The following CUX2 variants were observed in gnomAD, a reference collection of about 807,000 sequenced individuals.
CUX2 encodes cut like homeobox 2.
In CUX2, 40 loss-of-function variants were observed where a neutral mutation model predicts 144.8. That is an observed-to-expected ratio of 0.28 (90% confidence interval 0.21 to 0.36). CUX2 has a LOEUF of 0.36. Ranked by LOEUF, CUX2 falls within the 10% of genes least tolerant of loss-of-function variation. The pLI, the probability that CUX2 is intolerant of heterozygous loss-of-function variation, is 1.00. For missense variants in CUX2, 1,615 were observed against 1,994.0 expected (o/e 0.81, Z 3.62); for synonymous variants, 827 against 875.6 (o/e 0.94, Z 0.98).
At chr12:111,267,926 A>G (rs1464324682) in intron 4 of CUX2, among the ~76,000 whole-genome samples, 1 of 152,002 alleles carries the variant, frequency 6.6e-6, no homozygotes, top group Non-Finnish European at 1.5e-5. Context: ...GGCTCAAACA[A>G]TCTTCCTGCC....
chr12:111,209,680 G>T (rs1356601988), intron 1 of CUX2, among the ~76,000 whole-genome samples: 1 of 152,054 alleles, frequency 6.6e-6, no homozygotes, highest in Non-Finnish European at 1.5e-5. Context: ...AACCCTCTCA[G>T]AGACAGGGGC....
chr12:111,338,718 G>A (rs1592985754), intron 20 of CUX2, among the ~76,000 whole-genome samples: 1 of 152,200 alleles, frequency 6.6e-6, no homozygotes, highest in Non-Finnish European at 1.5e-5. Flanking sequence ...TAAGACAGGA[G>A]GATCACTTGG....
At chr12:111,252,887 C>A (rs988916522) in intron 3 of CUX2, among the ~76,000 whole-genome samples, 17 of 151,434 alleles carry the variant, frequency 1.1e-4, no homozygotes, top group Non-Finnish European at 1.9e-4. Context: ...CATAGGGAGA[C>A]CCCCATCTCT....
chr12:111,228,644 G>A (rs1263508482), intron 3 of CUX2, among the ~76,000 whole-genome samples: 2 of 152,008 alleles, frequency 1.3e-5, no homozygotes, highest in African/African-American at 2.4e-5. Flanking sequence ...GGCTGGTCTC[G>A]AACTCCTGAC....
chr12:111,342,157 G>GA, intron 21 of CUX2, 104 bp downstream of exon 21: 1 of 1,345,088 alleles, frequency 7.4e-7, no homozygotes, highest in African/African-American at 1.5e-5. Context: ...CTGGGAGATG[G>GA]AAGACCCCAT....
chr12:111,117,445 G>C (rs1316787290), intron 1 of CUX2, among the ~76,000 whole-genome samples: 2 of 152,192 alleles, frequency 1.3e-5, no homozygotes, highest in Non-Finnish European at 2.9e-5. Flanking sequence ...CACTCTGGAA[G>C]TGACACATCA....
chr12:111,119,077 A>G (rs571691055), intron 1 of CUX2, among the ~76,000 whole-genome samples: 1 of 152,362 alleles, frequency 6.6e-6, no homozygotes, highest in Admixed American at 6.5e-5. Context: ...TTTCCCAACA[A>G]TAATCTGGAA....
intron 1 of CUX2, among the ~76,000 whole-genome samples, chr12:111,110,200 T>C (rs895746329): frequency 1.3e-5 from 2 of 152,168 alleles, no homozygotes; most frequent in Non-Finnish European, 2.9e-5. Context: ...GGAAGGTCTT[T>C]GAGGTCAGAG....
chr12:111,150,773 T>G (rs1876998592), intron 1 of CUX2, among the ~76,000 whole-genome samples: 1 of 150,838 alleles, frequency 6.6e-6, no homozygotes, highest in African/African-American at 2.4e-5. Context: ...AGGGGTGGGG[T>G]GTGTGGAGGC....
At chr12:111,223,097 C>T (rs762283411) in intron 3 of CUX2, among the ~76,000 whole-genome samples, 3 of 152,098 alleles carry the variant, frequency 2.0e-5, no homozygotes, top group African/African-American at 4.8e-5. Flanking sequence ...CTATTGGCAG[C>T]GTGCAGGTCC....
intron 18 of CUX2, among the ~76,000 whole-genome samples, chr12:111,325,219 G>A (rs1467286420): frequency 2.6e-5 from 4 of 151,844 alleles, no homozygotes; most frequent in African/African-American, 4.8e-5. Flanking sequence ...GTGTGAATCC[G>A]GGAGGCGGAG....
intron 19 of CUX2, among the ~76,000 whole-genome samples, chr12:111,335,958 C>G (rs1228502134): frequency 1.3e-5 from 2 of 151,298 alleles, no homozygotes; most frequent in African/African-American, 2.4e-5. Flanking sequence ...CGGTGAGATC[C>G]CAGGGCACTG....
In CUX2 at chr12:111,304,350, A is replaced by C. The variant is rs750534066; in HGVS notation, c.858+36A>C. ...GGTTGGGGAAGTGAGCAGGGAGGGC[A>C]GAGGGAAAGATCGGGAATGGCTGAG... On this transcript the variant is annotated intron_variant, in intron 10 of 21. Transcript: ENST00000261726. The surrounding 1 kb of genome is among the most constrained non-coding windows in gnomAD (Gnocchi z 4.7). 2.6e-6 allele frequency: 4 copies of C among 1,554,956 alleles called. No homozygotes were observed. Among genetic ancestry groups the C allele is most frequent in the Admixed American group, 1.7e-5 (1 of 57,616 alleles).
At chr12:111,188,209 C>T (rs562550917) in intron 1 of CUX2, among the ~76,000 whole-genome samples, 13 of 152,314 alleles carry the variant, frequency 8.5e-5, no homozygotes, top group Non-Finnish European at 1.3e-4. Flanking sequence ...GATTTTTCTA[C>T]GTCAATAGAC....
chr12:111,093,329 GC>G, intron 1 of CUX2, among the ~76,000 whole-genome samples: 1 of 152,242 alleles, frequency 6.6e-6, no homozygotes, highest in South Asian at 2.1e-4. Flanking sequence ...ACTCTGGCTC[GC>G]CCAGGAGGGT....
intron 3 of CUX2, among the ~76,000 whole-genome samples, chr12:111,242,916 A>C (rs1883100737): frequency 6.6e-6 from 1 of 152,044 alleles, no homozygotes; most frequent in Non-Finnish European, 1.5e-5. Flanking sequence ...ATGTGTTCTC[A>C]TTGTTCAACT....
chr12:111,224,461 C>T (rs1236615922), intron 3 of CUX2, among the ~76,000 whole-genome samples: 4 of 150,588 alleles, frequency 2.7e-5, no homozygotes, highest in Non-Finnish European at 4.4e-5. Flanking sequence ...CCTTCTGCTC[C>T]GTGTCTGCCT....
chr12:111,128,937 C>T (rs1232849536), intron 1 of CUX2, among the ~76,000 whole-genome samples: 2 of 152,232 alleles, frequency 1.3e-5, no homozygotes, highest in South Asian at 2.1e-4. Context: ...CCACTCCAAA[C>T]TGGCAGCTTT....
At chr12:111,044,593 C>A (rs552016639) in intron 1 of CUX2, among the ~76,000 whole-genome samples, 68 of 152,320 alleles carry the variant, frequency 4.5e-4, no homozygotes, top group Admixed American at 8.5e-4. Flanking sequence ...AAATCAGCTC[C>A]CCTCTCCTCA....
Sources: allele counts gnomAD v4.1 joint callset (sites outside exome capture counted in the v4.1 genomes callset), GRCh38; gene constraint gnomAD v4.1.1; non-coding constraint Gnocchi (gnomAD v3.1); transcripts MANE v1.5; gene names NCBI Gene and HGNC (gene_info 2026-07-23, HGNC 2026-07-21).